The following NT5C3A variants were observed in gnomAD, a reference collection of about 807,000 sequenced individuals.
NT5C3A encodes the protein cytosolic 5'-nucleotidase 3A.
Under a neutral mutation model 40.0 loss-of-function variants are expected in NT5C3A, and 23 were observed. The ratio of observed to expected loss-of-function variants is 0.58; its 90% CI spans 0.41 to 0.81. The LOEUF is 0.81. Among genes scored for constraint, NT5C3A ranks in the 40% least tolerant of loss-of-function variants. The pLI is 0.00. For synonymous variants in NT5C3A, 130 were observed against 141.4 expected, an observed-to-expected ratio of 0.92 and a Z score of 0.57; for missense variants, 328 against 403.0, an observed-to-expected ratio of 0.81 and a Z score of 1.59.
chr7:33,024,167 C>T, intron 2 of NT5C3A, 59 bp from the exon 3 acceptor site: 1 of 931,206 alleles, frequency 1.1e-6, no homozygotes, highest in East Asian at 2.4e-5. Context: ...CAGAATTTCT[C>T]TGTGCTACCC....
chr7:33,053,850 C>T (rs574764622), intron 1 of NT5C3A, among the ~76,000 whole-genome samples: 1 of 152,014 alleles, frequency 6.6e-6, no homozygotes, highest in African/African-American at 2.4e-5. Flanking sequence ...CAGGAAGGAG[C>T]TGTTTCTAGC....
intron 1 of NT5C3A, among the ~76,000 whole-genome samples, chr7:33,043,655 T>G (rs1161227742): frequency 6.6e-6 from 1 of 152,160 alleles, no homozygotes; most frequent in Non-Finnish European, 1.5e-5. Flanking sequence ...TGCTGGTGTG[T>G]GTGCCTGTCC....
At chr7:33,021,047 T>C (rs1431723514) in intron 5 of NT5C3A, among the ~76,000 whole-genome samples, 1 of 152,220 alleles carries the variant, frequency 6.6e-6, no homozygotes, top group Non-Finnish European at 1.5e-5. Context: ...GCAGGACTTT[T>C]AATTTATTCC....
chr7:33,036,022 G>GAA (rs201758497), intron 1 of NT5C3A: 13 of 1,456,402 alleles, frequency 8.9e-6, no homozygotes, highest in Non-Finnish European at 1.1e-5. Flanking sequence ...CAGCAAAAGA[G>GAA]AAAAAAAAAA....
chr7:33,026,990 C>A, intron 1 of NT5C3A, 75 bp from the exon 2 acceptor site: 1 of 934,096 alleles, frequency 1.1e-6, no homozygotes, highest in Non-Finnish European at 1.7e-6. Flanking sequence ...AAGCAGAAAC[C>A]TGTCTTATTT....
chr7:33,043,063 G>A lies in NT5C3A; in HGVS notation c.139-16148C>T, dbSNP rs968142792. Among the ~76,000 whole-genome samples, 4 of 152,286 alleles carry A rather than the reference G, an allele frequency of 2.6e-5. No individual in the cohort carries two copies. In the East Asian group the frequency reaches 5.8e-4, roughly 22 times the overall value. ...ACTTATAAACAACCCTAGAAGGTATGTGCTAGTATTATTTTCAATTTACTG... is the reference window on the plus strand; with the variant it reads ...ACTTATAAACAACCCTAGAAGGTATATGCTAGTATTATTTTCAATTTACTG... On this transcript the variant is annotated intron_variant, in intron 1 of 8. Transcript: ENST00000610140.
chr7:33,024,137 GT>G (rs748791512), intron 2 of NT5C3A, 29 bp from the exon 3 acceptor site: 3 of 1,340,478 alleles, frequency 2.2e-6, no homozygotes, highest in Non-Finnish European at 3.2e-6. Flanking sequence ...ATGCATTATT[GT>G]AAACATAGCC....
intron 1 of NT5C3A, among the ~76,000 whole-genome samples, chr7:33,056,304 C>T (rs1787563172): frequency 6.6e-6 from 1 of 151,338 alleles, no homozygotes; most frequent in South Asian, 2.1e-4. Flanking sequence ...TAAATCTAAG[C>T]ACTGATATAA....
chr7:33,061,641 A>G (rs934949811), intron 1 of NT5C3A, among the ~76,000 whole-genome samples: 9 of 152,220 alleles, frequency 5.9e-5, no homozygotes, highest in African/African-American at 2.2e-4. Flanking sequence ...AGAAATTCCA[A>G]GTATTACACC....
intron 1 of NT5C3A, among the ~76,000 whole-genome samples, chr7:33,039,364 T>C (rs778406808): frequency 6.6e-6 from 1 of 152,100 alleles, no homozygotes; most frequent in Admixed American, 6.5e-5. Context: ...ACTGCTTTAA[T>C]TGTGATACTC....
rs146996348 is a variant in NT5C3A, at chr7:33,040,077, T to C, written c.139-13162A>G. Among the ~76,000 whole-genome samples the C allele has an allele frequency of 4.8e-3, 731 of 152,174 alleles. 6 individuals carry two copies. The highest frequency in any genetic ancestry group is 0.014 in the African/African-American group (568 of 41,518). On this transcript the variant is annotated intron_variant, in intron 1 of 8. Transcript: ENST00000610140. ...CTGACAACCCTTAAGACACCCTGAG[T>C]TCTTCTGTCCTTGAATTTGTCCTAG...
intron 1 of NT5C3A, among the ~76,000 whole-genome samples, chr7:33,055,639 C>T (rs995448320): frequency 6.6e-6 from 1 of 152,174 alleles, no homozygotes; most frequent in African/African-American, 2.4e-5. Flanking sequence ...CATCTCACGA[C>T]CATGAAGAAA....
At chr7:33,053,653 C>A (rs1479582881) in intron 1 of NT5C3A, among the ~76,000 whole-genome samples, 2 of 151,656 alleles carry the variant, frequency 1.3e-5, no homozygotes, top group African/African-American at 4.8e-5. Context: ...AGACTGTGAT[C>A]CCATTTCTTA....
At chr7:33,040,990 A>G in intron 1 of NT5C3A, 1 of 985,466 alleles carries the variant, frequency 1.0e-6, no homozygotes, top group Non-Finnish European at 1.2e-6. Context: ...AGCCCTATGC[A>G]AAAACCTTGT....
intron 1 of NT5C3A, among the ~76,000 whole-genome samples, chr7:33,056,979 T>C (rs1787596021): frequency 1.3e-5 from 2 of 152,110 alleles, no homozygotes; most frequent in African/African-American, 2.4e-5. Context: ...GCCCGGCTAA[T>C]TTTTTGTATT....
intron 1 of NT5C3A, among the ~76,000 whole-genome samples, chr7:33,045,542 C>G (rs1787108258): frequency 6.6e-6 from 1 of 151,660 alleles, no homozygotes; most frequent in East Asian, 1.9e-4. Context: ...TCACTGCAAT[C>G]TCCGCCTCCT....
intron 6 of NT5C3A, among the ~76,000 whole-genome samples, chr7:33,018,005 C>A (rs867701566): frequency 3.5e-4 from 54 of 152,118 alleles, no homozygotes; most frequent in African/African-American, 1.3e-3. Flanking sequence ...CATAGCGAGA[C>A]CCTGTCTCTA....
intron 1 of NT5C3A, among the ~76,000 whole-genome samples, chr7:33,057,185 A>G (rs1248066628): frequency 6.6e-6 from 1 of 151,804 alleles, no homozygotes. Context: ...GTTGGCCTAT[A>G]TTGTCTTAAA....
chr7:33,029,883 A>G (rs1786151882), intron 1 of NT5C3A, among the ~76,000 whole-genome samples: 1 of 152,242 alleles, frequency 6.6e-6, no homozygotes, highest in Non-Finnish European at 1.5e-5. Context: ...GGTTTACTTT[A>G]AATCACAATG....
Sources: gnomAD v4.1 joint callset for allele counts (sites outside exome capture counted in the v4.1 genomes callset) on GRCh38, gnomAD v4.1.1 for gene constraint, MANE v1.5 for transcripts, NCBI Gene and HGNC (gene_info 2026-07-23, HGNC 2026-07-21) for gene names.